COL25A1: variants seen among roughly 807,000 people sequenced by gnomAD.
COL25A1 encodes the protein collagen alpha-1(XXV) chain.
Under a neutral mutation model 128.4 loss-of-function variants are expected in COL25A1, and 103 were observed. The observed-to-expected ratio is 0.80, with a 90% CI of 0.68 to 0.94. COL25A1 has a LOEUF of 0.94. Ranked by LOEUF, COL25A1 falls within the 40% of genes least tolerant of loss-of-function variation. COL25A1 has a pLI of 0.00. For missense variants in COL25A1, 745 were observed against 840.0 expected (o/e 0.89, Z 1.40); for synonymous variants, 279 against 277.2 (o/e 1.01, Z -0.06).
chr4:108,944,357 T>C lies in COL25A1; in HGVS notation c.493-2920A>G, dbSNP rs369334582. ...ATGGAATATGAGTTTAAAATGTTATTAGATGGTAATGTGCCAGCATCTTTC... is the reference window on the plus strand; with the variant it reads ...ATGGAATATGAGTTTAAAATGTTATCAGATGGTAATGTGCCAGCATCTTTC... On this transcript the variant is annotated intron_variant, in intron 8 of 37. Transcript: ENST00000399132. Among the ~76,000 whole-genome samples the C allele has an allele frequency of 3.2e-4, 48 of 152,334 alleles. No homozygotes were observed. In the South Asian group the frequency reaches 9.9e-3, roughly 32 times the overall value.
chr4:109,121,406 A>C (rs1269556178), intron 3 of COL25A1, among the ~76,000 whole-genome samples: 2 of 152,144 alleles, frequency 1.3e-5, no homozygotes, highest in African/African-American at 4.8e-5. Context: ...TCAAATATAC[A>C]AAGAACTCCT....
chr4:108,986,584 T>C (rs1337570789), intron 6 of COL25A1, among the ~76,000 whole-genome samples: 3 of 152,090 alleles, frequency 2.0e-5, no homozygotes, highest in African/African-American at 7.2e-5. Flanking sequence ...ACACTCTAAA[T>C]ATATAATAAA....
chr4:108,941,680 T>C (rs1001651224), intron 8 of COL25A1, among the ~76,000 whole-genome samples: 1 of 152,222 alleles, frequency 6.6e-6, no homozygotes, highest in African/African-American at 2.4e-5. Context: ...TTGTGCCTCA[T>C]CATTTCACTG....
chr4:109,228,831 T>A lies in COL25A1; in HGVS notation c.367+71752A>T, dbSNP rs143724870. Among the ~76,000 whole-genome samples, 1,119 of 152,348 alleles carry A rather than the reference T, an allele frequency of 7.3e-3. 12 individuals carry two copies. The highest frequency in any genetic ancestry group is 0.025 in the African/African-American group (1,027 of 41,582). On this transcript the variant is annotated intron_variant, in intron 3 of 37. Transcript: ENST00000399132. ...CACTGAAGTTTTTGGTATACTACTG[T>A]GGAATTCCAGATAGTACAGTGGCTA...
At chr4:109,074,302 C>G (rs1259392250) in intron 3 of COL25A1, among the ~76,000 whole-genome samples, 3 of 152,106 alleles carry the variant, frequency 2.0e-5, no homozygotes, top group African/African-American at 7.2e-5. Flanking sequence ...GACTGGGGAC[C>G]CTTGATTCAG....
At chr4:109,041,799 G>A (rs1403022014) in intron 5 of COL25A1, among the ~76,000 whole-genome samples, 1 of 152,010 alleles carries the variant, frequency 6.6e-6, no homozygotes, top group African/African-American at 2.4e-5. Context: ...GTGTAACCGT[G>A]CCCAAGATAG....
intron 6 of COL25A1, among the ~76,000 whole-genome samples, chr4:108,975,715 A>T (rs1752366999): frequency 6.6e-6 from 1 of 152,152 alleles, no homozygotes; most frequent in African/African-American, 2.4e-5. Flanking sequence ...GTGGTGATGT[A>T]GTAATTTCAC....
At chr4:108,821,701 T>C (rs1008070374) in intron 35 of COL25A1, among the ~76,000 whole-genome samples, 1 of 152,168 alleles carries the variant, frequency 6.6e-6, no homozygotes, top group Non-Finnish European at 1.5e-5. Flanking sequence ...AAAGAAACAC[T>C]ACAGTATGAA....
At chr4:109,272,835 C>T (rs1010194894) in intron 3 of COL25A1, among the ~76,000 whole-genome samples, 8 of 152,120 alleles carry the variant, frequency 5.3e-5, no homozygotes, top group African/African-American at 1.9e-4. Flanking sequence ...GCTGAACATT[C>T]CAGGCAGGGG....
chr4:109,247,118 C>T (rs1184837825), intron 3 of COL25A1, among the ~76,000 whole-genome samples: 1 of 152,134 alleles, frequency 6.6e-6, no homozygotes, highest in African/African-American at 2.4e-5. Context: ...AATCCCAGCA[C>T]TTTGGGAGGC....
chr4:108,958,428 T>C (rs917461661), intron 8 of COL25A1, among the ~76,000 whole-genome samples: 3 of 151,998 alleles, frequency 2.0e-5, no homozygotes, highest in African/African-American at 7.2e-5. Context: ...AATGAAAACA[T>C]ATGCAACTAA....
chr4:109,040,850 T>C (rs971993352), intron 5 of COL25A1, among the ~76,000 whole-genome samples: 3 of 151,416 alleles, frequency 2.0e-5, no homozygotes, highest in African/African-American at 7.2e-5. Context: ...CTGTCTGTTT[T>C]GGTTTTTTAT....
chr4:109,158,234 C>T (rs555049535), intron 3 of COL25A1, among the ~76,000 whole-genome samples: 1 of 151,718 alleles, frequency 6.6e-6, no homozygotes, highest in East Asian at 1.9e-4. Flanking sequence ...TATCAAAATG[C>T]TTTAGGGTTG....
At chr4:109,134,374 T>C (rs545657729) in intron 3 of COL25A1, among the ~76,000 whole-genome samples, 35 of 152,198 alleles carry the variant, frequency 2.3e-4, no homozygotes, top group African/African-American at 7.9e-4. Context: ...TACAGTAGCA[T>C]CTGCAAGGAA....
intron 3 of COL25A1, among the ~76,000 whole-genome samples, chr4:109,115,549 T>C (rs998285646): frequency 1.3e-5 from 2 of 152,086 alleles, no homozygotes; most frequent in East Asian, 1.9e-4. Context: ...ATTTTGTATC[T>C]TTCTTCTTCT....
chr4:109,180,290 G>C (rs1774504021), intron 3 of COL25A1, among the ~76,000 whole-genome samples: 1 of 152,120 alleles, frequency 6.6e-6, no homozygotes, highest in Non-Finnish European at 1.5e-5. Flanking sequence ...AAATAATTTT[G>C]ACTCTGAAGT....
At chr4:109,000,478 G>A (rs1217130031) in intron 6 of COL25A1, among the ~76,000 whole-genome samples, 4 of 152,100 alleles carry the variant, frequency 2.6e-5, no homozygotes, top group Non-Finnish European at 5.9e-5. Flanking sequence ...AGACTTGGTG[G>A]CTCATGCCTG....
chr4:108,882,369 G>A (rs777732551), intron 19 of COL25A1, among the ~76,000 whole-genome samples: 24 of 150,296 alleles, frequency 1.6e-4, no homozygotes, highest in Non-Finnish European at 3.1e-4. Context: ...AGATTTCAAA[G>A]CACGGAGGTT....
chr4:109,269,911 C>T (rs1782077321), intron 3 of COL25A1, among the ~76,000 whole-genome samples: 1 of 152,140 alleles, frequency 6.6e-6, no homozygotes, highest in South Asian at 2.1e-4. Flanking sequence ...AAGGCTGGTT[C>T]AATACACACA....
Sources: allele counts gnomAD v4.1 joint callset (sites outside exome capture counted in the v4.1 genomes callset), GRCh38; gene constraint gnomAD v4.1.1; transcripts MANE v1.5; gene names NCBI Gene and HGNC (gene_info 2026-07-23, HGNC 2026-07-21).